The following RBFOX1 variants were observed in gnomAD, a reference collection of about 807,000 sequenced individuals.
RBFOX1 encodes the protein RNA binding protein fox-1 homolog 1.
A neutral mutation model predicts 57.7 loss-of-function variants in RBFOX1; 8 were observed. The ratio of observed to expected loss-of-function variants is 0.14; its 90% CI spans 0.08 to 0.25. The LOEUF (loss-of-function observed/expected upper bound fraction) is 0.25. Ranked by LOEUF, RBFOX1 falls within the 10% of genes least tolerant of loss-of-function variation. The pLI is 1.00. For synonymous variants in RBFOX1, 326 were observed against 222.4 expected (o/e 1.47, Z -4.15); for missense variants, 611 against 548.5 (o/e 1.11, Z -1.14).
chr16:6,057,207 T>C (rs1444852318), intron 1 of RBFOX1: 1 of 152,164 alleles, frequency 6.6e-6, no homozygotes, highest in Non-Finnish European at 1.5e-5. Flanking sequence ...AATGTTGATA[T>C]TTACAGTGCT....
At chr16:5,340,823 A>G (rs943144701) in intron 1 of RBFOX1, among the ~76,000 whole-genome samples, 4 of 152,188 alleles carry the variant, frequency 2.6e-5, no homozygotes, top group African/African-American at 4.8e-5. Flanking sequence ...GGGAGACAAA[A>G]TGGTAAACAA....
intron 3 of RBFOX1, among the ~76,000 whole-genome samples, chr16:5,756,482 C>A (rs747460677): frequency 6.6e-6 from 1 of 152,134 alleles, no homozygotes; most frequent in Admixed American, 6.5e-5. Flanking sequence ...AATGCCCAGG[C>A]TGGTTTCTTA....
Position 6,305,379 on chromosome 16 carries a change from A to G in RBFOX1, c.-126-11616A>G, listed in dbSNP as rs1334680954. On this transcript the variant is annotated intron_variant, in intron 1 of 15. Coordinates refer to ENST00000550418, the MANE Select transcript of RBFOX1 (RefSeq NM_018723.4). ...GCATGCAAATTGTTTATCAGAGTGC[A>G]TGACACAGAGTTAACATGAGATGCT... Among the ~76,000 whole-genome samples, 3 of 152,188 alleles carry G rather than the reference A, an allele frequency of 2.0e-5. No individual in the cohort carries two copies. In the East Asian group the frequency reaches 5.8e-4, roughly 29 times the overall value.
chr16:5,289,831 A>G (rs1481019688), intron 1 of RBFOX1, among the ~76,000 whole-genome samples: 1 of 152,248 alleles, frequency 6.6e-6, no homozygotes, highest in African/African-American at 2.4e-5. Context: ...CACTTCTTCA[A>G]AAGCTTAAAC....
At chr16:6,810,273 C>G (rs2088134057) in intron 3 of RBFOX1, among the ~76,000 whole-genome samples, 1 of 152,050 alleles carries the variant, frequency 6.6e-6, no homozygotes, top group Non-Finnish European at 1.5e-5. Flanking sequence ...TTTTGTGATT[C>G]AAATTGGTCT....
rs1402707346 is a variant in RBFOX1 at position 7,518,525 on chromosome 16, C to A, written c.270+136C>A. On this transcript the variant is annotated intron_variant, in intron 5 of 15. Coordinates refer to ENST00000550418, the MANE Select transcript of RBFOX1 (RefSeq NM_018723.4). ...AGTCCCTAAGCCCACCCTCATCATA[C>A]CAGCTTCCTGAAGTTTACCTCATTT... The A allele has an allele frequency of 4.3e-6, 5 of 1,165,792 alleles. No individual in the cohort carries two copies. In the African/African-American group the frequency reaches 4.7e-5, roughly 11 times the overall value. 72.2% of individuals were successfully genotyped at this position (1,165,792 alleles called of 1,614,324 possible).
intron 5 of RBFOX1, among the ~76,000 whole-genome samples, chr16:7,521,326 C>T (rs1043854850): frequency 2.6e-5 from 4 of 152,118 alleles, no homozygotes; most frequent in African/African-American, 9.7e-5. Flanking sequence ...TCCTACAGAC[C>T]TGGTGGGTCC....
chr16:7,498,888 C>T (rs868435886), intron 4 of RBFOX1, among the ~76,000 whole-genome samples: 27 of 152,168 alleles, frequency 1.8e-4, no homozygotes, highest in African/African-American at 6.0e-4. Flanking sequence ...CAACTTTCTC[C>T]TCTGAAGTGT....
intron 3 of RBFOX1, among the ~76,000 whole-genome samples, chr16:5,745,767 T>C (rs2052956442): frequency 6.6e-6 from 1 of 152,266 alleles, no homozygotes; most frequent in Non-Finnish European, 1.5e-5. Context: ...TTCATATCCT[T>C]CACCCACTTT....
chr16:7,650,313 CTTT>C (rs35693712), intron 11 of RBFOX1, among the ~76,000 whole-genome samples: 30 of 138,854 alleles, frequency 2.2e-4, no homozygotes, highest in Admixed American at 2.9e-4. Context: ...GTGGAACTCT[CTTT>C]TTTTTTTTTT....
intron 4 of RBFOX1, among the ~76,000 whole-genome samples, chr16:5,987,876 T>A (rs762525408): frequency 2.0e-5 from 3 of 152,212 alleles, no homozygotes; most frequent in Non-Finnish European, 4.4e-5. Flanking sequence ...AATAGCATTT[T>A]ATATAATCCC....
chr16:5,999,370 C>A (rs552469009), intron 4 of RBFOX1, among the ~76,000 whole-genome samples: 4 of 152,358 alleles, frequency 2.6e-5, no homozygotes, highest in South Asian at 2.1e-4. Flanking sequence ...CTTAAGTCTT[C>A]AGACCGGGTC....
At chr16:5,530,115 T>C (rs921223722) in intron 2 of RBFOX1, among the ~76,000 whole-genome samples, 1 of 152,126 alleles carries the variant, frequency 6.6e-6, no homozygotes, top group Non-Finnish European at 1.5e-5. Flanking sequence ...TATGGCACTT[T>C]GCTATGGTAG....
intron 4 of RBFOX1, among the ~76,000 whole-genome samples, chr16:7,077,676 T>C (rs2058518940): frequency 6.6e-6 from 1 of 152,212 alleles, no homozygotes; most frequent in African/African-American, 2.4e-5. Context: ...GACTTTAAAA[T>C]GTTTTTAAAA....
At position 6,377,839 on chromosome 16, in the gene RBFOX1, A is replaced by G. The variant is rs117661212; in HGVS notation, c.-64+60782A>G. 3.9e-3 allele frequency among the ~76,000 whole-genome samples: 592 copies of G among 152,202 alleles called. 2 individuals are homozygous for G. The highest frequency in any genetic ancestry group is 6.0e-3 in the Non-Finnish European group (410 of 67,992). On this transcript the variant is annotated intron_variant, in intron 2 of 15. Transcript: ENST00000550418. ...CACATAACAGAATGAAGCTTCCCCA[A>G]CGTGGATTCCCAGACTATGGAAGTG...
intron 3 of RBFOX1, among the ~76,000 whole-genome samples, chr16:5,722,754 T>C (rs1335325300): frequency 6.6e-6 from 1 of 152,220 alleles, no homozygotes; most frequent in Non-Finnish European, 1.5e-5. Flanking sequence ...TAATATTCCC[T>C]GCCTGGCTTA....
At chr16:6,339,170 A>C (rs1055452457) in intron 2 of RBFOX1, among the ~76,000 whole-genome samples, 11 of 152,250 alleles carry the variant, frequency 7.2e-5, no homozygotes, top group Non-Finnish European at 1.6e-4. Flanking sequence ...TGTGCTGCTG[A>C]GGAAGGCCAA....
intron 3 of RBFOX1, among the ~76,000 whole-genome samples, chr16:7,041,850 G>A (rs77741584): frequency 0.094 from 14,304 of 152,048 alleles, 1,113 homozygotes; most frequent in East Asian, 0.32. Flanking sequence ...TGTGTTAAGT[G>A]CTTTGCTTAG....
intron 2 of RBFOX1, among the ~76,000 whole-genome samples, chr16:5,534,602 T>C (rs1292544899): frequency 1.3e-5 from 2 of 152,140 alleles, no homozygotes; most frequent in Non-Finnish European, 2.9e-5. Flanking sequence ...AGCAAGCCAG[T>C]TTATCCCACC....
Sources: allele counts gnomAD v4.1 joint callset (sites outside exome capture counted in the v4.1 genomes callset), GRCh38; gene constraint gnomAD v4.1.1; transcripts MANE v1.5; gene names NCBI Gene and HGNC (gene_info 2026-07-23, HGNC 2026-07-21).